Variants in PHRF1 observed in about 807,000 individuals in gnomAD.
PHRF1 encodes PHD and ring finger domains 1, also known as PHD and RING finger domain-containing protein 1.
Under a neutral mutation model 128.9 loss-of-function variants are expected in PHRF1, and 53 were observed. That is an observed-to-expected ratio of 0.41 (90% CI 0.33 to 0.52). The LOEUF is 0.52. Ranked by LOEUF, PHRF1 falls within the 20% of genes least tolerant of loss-of-function variation. The probability of loss-of-function intolerance (pLI) is 0.21; values close to 1 mark genes in which losing one functional copy is unlikely to be tolerated. For missense variants in PHRF1, 2,503 were observed against 2,284.5 expected, an observed-to-expected ratio of 1.10 and a Z score of -1.95; for synonymous variants, 1,178 against 980.6, an observed-to-expected ratio of 1.20 and a Z score of -3.76.
intron 3 of PHRF1, among the ~76,000 whole-genome samples, chr11:583,864 T>G (rs532628386): frequency 6.6e-6 from 1 of 152,342 alleles, no homozygotes; most frequent in South Asian, 2.1e-4. Context: ...CCGGCCCTGC[T>G]GTGGTTGCTT....
rs1019026204 is a variant in PHRF1, at chr11:612,113, G to A, written c.*336G>A. On this transcript the variant is annotated 3_prime_UTR_variant, in exon 18 of 18. Coordinates refer to ENST00000264555, the MANE Select transcript of PHRF1 (RefSeq NM_001286581.2). Reference sequence around the variant, plus strand: ...ATAAAGCACTTGGTGATCAAGAGGGGCTCCTGGTGGGGTGGCGCGTCCTTG... The same window carrying A: ...ATAAAGCACTTGGTGATCAAGAGGGACTCCTGGTGGGGTGGCGCGTCCTTG... 2.7e-6 allele frequency: 1 copy of A among 367,230 alleles called. No homozygotes were observed. The highest frequency in any genetic ancestry group is 4.9e-6 in the Non-Finnish European group (1 of 202,664). The allele number at this position is 367,230 out of a possible 1,614,324, so 22.7% of individuals were successfully genotyped here.
chr11:581,756 T>A (rs1038639583), intron 2 of PHRF1, 150 bp downstream of exon 2: 1 of 1,040,750 alleles, frequency 9.6e-7, no homozygotes, highest in African/African-American at 1.6e-5. Context: ...GTGTATTGTT[T>A]TGTTTTATTT....
chr11:589,218 T>G (rs1726775092), intron 4 of PHRF1, among the ~76,000 whole-genome samples: 1 of 152,064 alleles, frequency 6.6e-6, no homozygotes, highest in African/African-American at 2.4e-5. Context: ...TAATAAAGAT[T>G]AAAATTGTGT....
At chr11:577,755 G>A (rs1853968115) in intron 1 of PHRF1, among the ~76,000 whole-genome samples, 1 of 152,386 alleles carries the variant, frequency 6.6e-6, no homozygotes, top group Middle Eastern at 3.4e-3. Flanking sequence ...CAGTGCCTGG[G>A]ATGGGCACTC....
chr11:609,724 A>T lies in PHRF1; in HGVS notation c.4264+4A>T. The T allele has an allele frequency of 6.8e-7, 1 of 1,466,562 alleles. No individual in the cohort carries two copies. The highest frequency in any genetic ancestry group is 9.0e-7 in the Non-Finnish European group (1 of 1,112,750). The allele number at this position is 1,466,562 out of a possible 1,614,324, so 90.8% of individuals were successfully genotyped here. ...CCCGCCGAGGACAGAGCCCCCCGTG[A>T]GTAGTGCCCCGGCCCCCACCGAGGA... is the stretch of plus-strand genomic sequence containing the variant. On this transcript the variant is annotated splice_donor_region_variant and intron_variant, in intron 14 of 17. Coordinates refer to ENST00000264555, the MANE Select transcript of PHRF1 (RefSeq NM_001286581.2).
In PHRF1 at chr11:597,420, G is replaced by C. The variant is rs374655804; in HGVS notation, c.744G>C (p.Glu248Asp). The C allele has an allele frequency of 8.7e-6, 14 of 1,612,946 alleles. No homozygotes were observed. The highest frequency in any genetic ancestry group is 8.0e-5 in the African/African-American group (6 of 74,894). The change falls in exon 8 of 18, where the codon GAG becomes GAC. Residue 248 changes from glutamate to aspartate, a missense_variant. Transcript: ENST00000264555. This position sits in a 1 kb window ranked among gnomAD's most constrained non-coding sequence, Gnocchi z 6.5. ...ATGCGGGTCCCGTGAGTGAGGAGGA[G>C]GTCTCCCTGCTCTTGGCTGATGTGG... Reference protein sequence around the residue: ...AADAGPVSEEEVSLLLADVVP... With the variant: ...AADAGPVSEEDVSLLLADVVP...
At chr11:605,474 T>A in intron 11 of PHRF1, 131 bp from the exon 12 acceptor site, 1 of 1,494,628 alleles carries the variant, frequency 6.7e-7, no homozygotes, top group Non-Finnish European at 9.0e-7. Flanking sequence ...AGAGGTCTGG[T>A]TCGGGGCCCG....
At chr11:583,657 C>T (rs1437407186) in intron 3 of PHRF1, among the ~76,000 whole-genome samples, 1 of 152,242 alleles carries the variant, frequency 6.6e-6, no homozygotes, top group Non-Finnish European at 1.5e-5. Flanking sequence ...ACGCAGGAGG[C>T]TGAGGTGGGA....
intron 4 of PHRF1, among the ~76,000 whole-genome samples, chr11:589,020 C>T (rs189719087): frequency 1.3e-5 from 2 of 151,970 alleles, no homozygotes; most frequent in Admixed American, 1.3e-4. Flanking sequence ...CCTGTAGTCC[C>T]AGCTACTCGG....
chr11:581,824 C>T (rs1031297410), intron 2 of PHRF1, 138 bp from the exon 3 acceptor site: 4 of 1,297,424 alleles, frequency 3.1e-6, no homozygotes, highest in African/African-American at 1.5e-5. Flanking sequence ...TGCTTGTGCC[C>T]CCACCTTGCC....
rs774542712 is a variant in PHRF1, at chr11:608,796, T to G, written c.3340T>G (p.Ser1114Ala). 6.2e-7 allele frequency: 1 copy of G among 1,611,210 alleles called. No homozygotes were observed. The highest frequency in any genetic ancestry group is 1.7e-5 in the Admixed American group (1 of 59,886). Reference sequence around the variant, plus strand: ...GAGTAGGAAGAAGAAGAAAAGGAGATCAGCGTCCAGACCTCGGGGAAGGGA... The same window carrying G: ...GAGTAGGAAGAAGAAGAAAAGGAGAGCAGCGTCCAGACCTCGGGGAAGGGA... ...YESRKKKKRR[S>A]ASRPRGRECS... Residue 1114 changes from serine to alanine, a missense_variant, in exon 14 of 18, where the codon TCA (serine) becomes GCA (alanine). Transcript: ENST00000264555.
chr11:604,970 C>G (rs900395286), intron 10 of PHRF1, 149 bp from the exon 11 acceptor site: 22 of 768,858 alleles, frequency 2.9e-5, no homozygotes, highest in Non-Finnish European at 3.3e-5. Context: ...TGTCGGTCAT[C>G]ATGCCTGAGA....
intron 13 of PHRF1, 78 bp from the exon 14 acceptor site, chr11:606,988 G>C: frequency 1.3e-6 from 2 of 1,512,052 alleles, no homozygotes; most frequent in South Asian, 2.7e-5. Context: ...CAGAAAACCA[G>C]TTGTGATAAA....
chr11:609,585 A>C lies in PHRF1; in HGVS notation c.4129A>C (p.Arg1377=), dbSNP rs759319877. 1 of 1,595,816 alleles carries C rather than the reference A, an allele frequency of 6.3e-7. No homozygotes were observed. Among genetic ancestry groups the C allele is most frequent in the Admixed American group, 1.7e-5 (1 of 57,512 alleles). The change falls in exon 14 of 18, where the codon AGG becomes CGG. Residue 1377 remains arginine, a synonymous_variant. Coordinates refer to ENST00000264555, the MANE Select transcript of PHRF1 (RefSeq NM_001286581.2). The stretch of plus-strand genomic sequence containing the variant: ...GGAAGACAGCCCCTCTGCGAGTGGG[A>C]GGGTACAGGAGGCAGCCCGGCCTGA... The part of the protein sequence containing the change: ...GKEDSPSASG[R]VQEAARPEEV...
At chr11:592,719 G>A (rs1855054024) in intron 6 of PHRF1, 45 bp downstream of exon 6, 1 of 1,592,040 alleles carries the variant, frequency 6.3e-7, no homozygotes, top group Non-Finnish European at 8.6e-7. Context: ...CTGCGTGCAA[G>A]GCGGGCCAGG....
At chr11:605,050 C>T (rs1429418753) in intron 10 of PHRF1, 69 bp from the exon 11 acceptor site, 4 of 1,462,826 alleles carry the variant, frequency 2.7e-6, no homozygotes, top group Non-Finnish European at 3.7e-6. Context: ...CTTCACGTGG[C>T]ATTTACAGAG....
intron 1 of PHRF1, among the ~76,000 whole-genome samples, chr11:581,095 A>G (rs1244345035): frequency 2.0e-5 from 3 of 149,468 alleles, no homozygotes; most frequent in Non-Finnish European, 4.4e-5. Flanking sequence ...AAGTGCTGGG[A>G]TTACAGGCGT....
chr11:595,396 C>T (rs567442882), intron 6 of PHRF1, among the ~76,000 whole-genome samples: 5 of 152,308 alleles, frequency 3.3e-5, no homozygotes, highest in African/African-American at 1.2e-4. Context: ...AAGTTACAAT[C>T]TAATTTAAAA....
At position 601,652 on chromosome 11, in the gene PHRF1, C is replaced by G. The variant is rs750732031; in HGVS notation, c.1103C>G (p.Ser368Cys). Reference protein sequence around the residue: ...SAKSKSSATRSKKRQHRVKKR... With the variant: ...SAKSKSSATRCKKRQHRVKKR... The stretch of plus-strand genomic sequence containing the variant: ...AAAAGTAAGAGCTCAGCGACAAGAT[C>G]TAAGAAACGCCAACATCGAGTGAAG... The change falls in exon 10 of 18, where the codon TCT becomes TGT. Residue 368 changes from serine (S) to cysteine (C), a missense_variant. Transcript: ENST00000264555. 22 of 1,613,786 alleles carry G rather than the reference C, an allele frequency of 1.4e-5. No individual in the cohort carries two copies. The highest frequency in any genetic ancestry group is 1.9e-5 in the Non-Finnish European group (22 of 1,179,878).
Sources: allele counts gnomAD v4.1 joint callset (sites outside exome capture counted in the v4.1 genomes callset), GRCh38; gene constraint gnomAD v4.1.1; non-coding constraint Gnocchi (gnomAD v3.1); transcripts MANE v1.5; gene names NCBI Gene and HGNC (gene_info 2026-07-23, HGNC 2026-07-21).